The following MPRIP variants were observed in gnomAD, a reference collection of about 807,000 sequenced individuals.
MPRIP encodes the protein myosin phosphatase Rho interacting protein.
MPRIP carries 59 observed loss-of-function variants against 234.9 expected under a neutral mutation model. The observed-to-expected ratio is 0.25, with a 90% CI of 0.20 to 0.31. The LOEUF is 0.31. Ranked by LOEUF, MPRIP falls within the 10% of genes least tolerant of loss-of-function variation. The probability of loss-of-function intolerance (pLI) is 1.00; values close to 1 mark genes in which losing one functional copy is unlikely to be tolerated. For missense variants in MPRIP, 2,436 were observed against 3,071.0 expected (o/e 0.79, Z 4.89); for synonymous variants, 1,144 against 1,263.9 (o/e 0.91, Z 2.01).
At chr17:17,105,221 C>G (rs912904903) in intron 3 of MPRIP, among the ~76,000 whole-genome samples, 20 of 152,200 alleles carry the variant, frequency 1.3e-4, no homozygotes, top group Non-Finnish European at 2.4e-4. Flanking sequence ...CTCACCCACC[C>G]TCGTGGTGGG....
intron 4 of MPRIP, among the ~76,000 whole-genome samples, chr17:17,130,767 T>C (rs2090581615): frequency 6.6e-6 from 1 of 152,076 alleles, no homozygotes; most frequent in Non-Finnish European, 1.5e-5. Flanking sequence ...TGCCCTCCGC[T>C]CCTCCCACCC....
intron 3 of MPRIP, among the ~76,000 whole-genome samples, chr17:17,097,831 T>G (rs2089880257): frequency 6.6e-6 from 1 of 152,180 alleles, no homozygotes; most frequent in Admixed American, 6.5e-5. Context: ...CCCAGATTTG[T>G]CTGACTTTTC....
At chr17:17,120,092 T>C (rs1335228117) in intron 3 of MPRIP, among the ~76,000 whole-genome samples, 1 of 152,140 alleles carries the variant, frequency 6.6e-6, no homozygotes, top group Non-Finnish European at 1.5e-5. Flanking sequence ...CTGGTCTGAA[T>C]GAGGGATTGG....
At chr17:17,067,432 C>G (rs2089066785) in intron 1 of MPRIP, among the ~76,000 whole-genome samples, 1 of 152,178 alleles carries the variant, frequency 6.6e-6, no homozygotes, top group Non-Finnish European at 1.5e-5. Flanking sequence ...GTAGAGTATA[C>G]AGCGTGGATG....
chr17:17,157,718 C>T (rs1262697044), intron 13 of MPRIP, among the ~76,000 whole-genome samples: 3 of 151,894 alleles, frequency 2.0e-5, no homozygotes, highest in Non-Finnish European at 4.4e-5. Context: ...ATCCCAGCTA[C>T]TTGGGAGGCT....
At chr17:17,143,783 C>T (rs1193550358) in intron 9 of MPRIP, 114 bp downstream of exon 9, 1 of 569,162 alleles carries the variant, frequency 1.8e-6, no homozygotes, top group Middle Eastern at 3.2e-4. Flanking sequence ...GTGCACAGGC[C>T]CTCGTGTCCG....
At chr17:17,148,572 C>T (rs1308518525) in intron 11 of MPRIP, among the ~76,000 whole-genome samples, 1 of 152,084 alleles carries the variant, frequency 6.6e-6, no homozygotes, top group Non-Finnish European at 1.5e-5. Flanking sequence ...TTTATGAAGC[C>T]TCAATCTTTA....
intron 1 of MPRIP, 32 bp downstream of exon 1, chr17:17,043,003 G>A (rs746420123): frequency 1.3e-6 from 2 of 1,599,160 alleles, no homozygotes; most frequent in Non-Finnish European, 1.7e-6. Context: ...GGACACCTCC[G>A]TTCTGGGAGC....
chr17:17,185,263 C>T lies in MPRIP; in HGVS notation c.*369C>T, dbSNP rs1179405635. ...GTCTCACCATGTGCTGGTGTGGAAA[C>T]GGGGCCCAGCCAGCACGCCTCAAGG... On this transcript the variant is annotated 3_prime_UTR_variant, in exon 24 of 24. Coordinates refer to ENST00000651222, the MANE Select transcript of MPRIP (RefSeq NM_001364716.4). 4 of 337,150 alleles carry T rather than the reference C, an allele frequency of 1.2e-5. No homozygotes were observed. The highest frequency in any genetic ancestry group is 1.6e-4 in the East Asian group (2 of 12,816). The allele number at this position is 337,150 out of a possible 1,614,324, so 20.9% of individuals were successfully genotyped here.
intron 9 of MPRIP, among the ~76,000 whole-genome samples, chr17:17,144,522 A>G (rs1296804796): frequency 6.6e-6 from 1 of 152,198 alleles, no homozygotes; most frequent in Non-Finnish European, 1.5e-5. Flanking sequence ...CTTGGCTTCA[A>G]TGGCACAACC....
chr17:17,134,158 C>T (rs1398621622), intron 5 of MPRIP, among the ~76,000 whole-genome samples: 1 of 152,244 alleles, frequency 6.6e-6, no homozygotes, highest in Non-Finnish European at 1.5e-5. Context: ...ACCCCCACTC[C>T]AAGTTAGAAT....
chr17:17,157,491 T>C (rs7217091), intron 13 of MPRIP, among the ~76,000 whole-genome samples: 125,697 of 152,206 alleles, frequency 0.83, 52,132 homozygotes, highest in East Asian at 0.99. Flanking sequence ...GAGGTCCCAG[T>C]CTTTCATACT....
intron 1 of MPRIP, chr17:17,058,010 C>A: frequency 2.7e-6 from 1 of 364,400 alleles, no homozygotes; most frequent in Admixed American, 4.1e-5. Flanking sequence ...CTTCACGCCC[C>A]TCCCCAGTGG....
In MPRIP at chr17:17,185,911, T is replaced by C. The variant is rs1305244266; in HGVS notation, c.*1017T>C. 6.2e-6 allele frequency: 1 copy of C among 160,730 alleles called. No homozygotes were observed. Among genetic ancestry groups the C allele is most frequent in the Non-Finnish European group, 1.4e-5 (1 of 73,638 alleles). 10.0% of individuals were successfully genotyped at this position (160,730 alleles called of 1,614,324 possible). A position where few individuals can be genotyped will look rare whatever the true frequency, so the allele number is the denominator to read the frequency against. On this transcript the variant is annotated 3_prime_UTR_variant, in exon 24 of 24. Coordinates refer to ENST00000651222, the MANE Select transcript of MPRIP (RefSeq NM_001364716.4). ...ACTCCGATCTTAACTCTCATTTAAT[T>C]AATCTGAGCTCTGAAAACCTATCTT... is the stretch of plus-strand genomic sequence containing the variant.
chr17:17,180,779 A>G, intron 23 of MPRIP: 1 of 1,165,936 alleles, frequency 8.6e-7, no homozygotes. Flanking sequence ...CACATACCAA[A>G]TCCAAGTGAG....
Position 17,167,872 on chromosome 17 carries a change from CCA to C in MPRIP, c.6285_6286del (p.Leu2096AlafsTer2). ...CACAAGGACCTGGAGGGCGACGCGG[CCA>C]CACTGCGTGAGAAGTACCAGAGGGA... On this transcript the variant is annotated frameshift_variant, in exon 16 of 24. Transcript: ENST00000651222. LOFTEE classifies it high-confidence loss of function. The surrounding 1 kb of genome is among the most constrained non-coding windows in gnomAD (Gnocchi z 5.9). 7.7e-7 allele frequency: 1 copy of C among 1,304,054 alleles called. No homozygotes were observed. The highest frequency in any genetic ancestry group is 1.0e-6 in the Non-Finnish European group (1 of 988,936). 80.8% of individuals were successfully genotyped at this position (1,304,054 alleles called of 1,614,324 possible).
chr17:17,139,700 C>G (rs11651938), intron 7 of MPRIP, among the ~76,000 whole-genome samples: 1 of 152,100 alleles, frequency 6.6e-6, no homozygotes, highest in Non-Finnish European at 1.5e-5. Flanking sequence ...CCCACTCTTC[C>G]AAACGTCCCA....
intron 8 of MPRIP, 71 bp from the exon 9 acceptor site, chr17:17,143,485 A>G (rs1597454121): frequency 1.0e-6 from 1 of 1,001,928 alleles, no homozygotes; most frequent in South Asian, 1.9e-5. Context: ...AGGGGTGGAC[A>G]GCACCAGCTC....
At chr17:17,094,340 A>G (rs1198220779) in intron 3 of MPRIP, among the ~76,000 whole-genome samples, 1 of 152,094 alleles carries the variant, frequency 6.6e-6, no homozygotes, top group Non-Finnish European at 1.5e-5. Context: ...TAACTTTATC[A>G]TTGGTATTGA....
Sources: allele counts gnomAD v4.1 joint callset (sites outside exome capture counted in the v4.1 genomes callset), GRCh38; gene constraint gnomAD v4.1.1; non-coding constraint Gnocchi (gnomAD v3.1); transcripts MANE v1.5; gene names NCBI Gene and HGNC (gene_info 2026-07-23, HGNC 2026-07-21).